Variants in ZDHHC19 observed in about 807,000 individuals in gnomAD.
The protein encoded by ZDHHC19 is palmitoyltransferase ZDHHC19.
A neutral mutation model predicts 33.9 loss-of-function variants in ZDHHC19; 30 were observed. The ratio of observed to expected loss-of-function variants is 0.88; its 90% confidence interval spans 0.66 to 1.20. The LOEUF is 1.20. Ranked by LOEUF, ZDHHC19 falls within the 50% of genes most tolerant of loss-of-function variation. The pLI is 0.00. For synonymous variants in ZDHHC19, 178 were observed against 167.6 expected (o/e 1.06, Z -0.48); for missense variants, 364 against 401.1 (o/e 0.91, Z 0.79).
intron 2 of ZDHHC19, among the ~76,000 whole-genome samples, 184 bp downstream of exon 2, chr3:196,210,430 GAA>G (rs1227744943): frequency 8.3e-6 from 1 of 119,938 alleles, no homozygotes; most frequent in East Asian, 2.2e-4. Context: ...AGGAAAGAAA[GAA>G]AGAGAAAGAA....
rs200940311 is a variant in ZDHHC19, at chr3:196,198,267, G to A, written c.*19+9C>T. 2,685 of 1,484,586 alleles carry A rather than the reference G, an allele frequency of 1.8e-3. 13 individuals carry two copies. The highest frequency in any genetic ancestry group is 0.011 in the Middle Eastern group (46 of 4,022). The allele number at this position is 1,484,586 out of a possible 1,614,324, so 92.0% of individuals were successfully genotyped here. On this transcript the variant is annotated intron_variant, in intron 7 of 7. Transcript: ENST00000296326. ...CGCACAGACACCCACGCACACACAC[G>A]CTTCTTACCTCCTGGAGAGCTGCAG...
chr3:196,198,308 G>C lies in ZDHHC19; in HGVS notation c.917C>G (p.Pro306Arg), dbSNP rs748602938. 11 of 1,502,900 alleles carry C rather than the reference G, an allele frequency of 7.3e-6. No individual in the cohort carries two copies. The Admixed American group carries it at 1.2e-4, about 16-fold the overall frequency. 93.1% of individuals were successfully genotyped at this position (1,502,900 alleles called of 1,614,324 possible). Reference sequence around the variant, plus strand: ...AGAGCTGCAGCCTCACCACGCCCCGGGGGTCCCTTCCCTGCTTTGTAGGGA... The same window carrying C: ...AGAGCTGCAGCCTCACCACGCCCCGCGGGTCCCTTCCCTGCTTTGTAGGGA... ...SGSLQSREGT[P>R]GAW The change falls in exon 7 of 8, where the codon CCC (proline) becomes CGC (arginine). Residue 306 changes from proline to arginine, a missense_variant. Pro to Arg is a moderately radical substitution (Grantham distance 103). Transcript: ENST00000296326.
At chr3:196,209,005 A>G (rs890601105) in intron 3 of ZDHHC19, 1 of 284,920 alleles carries the variant, frequency 3.5e-6, no homozygotes. Context: ...TCCAACTTGG[A>G]CACCCAGGCG....
intron 5 of ZDHHC19, among the ~76,000 whole-genome samples, chr3:196,201,590 A>G (rs1007137020): frequency 7.9e-5 from 12 of 151,802 alleles, no homozygotes; most frequent in Non-Finnish European, 1.8e-4. Flanking sequence ...GCATGGTGGC[A>G]TGTGCCTGTA....
At chr3:196,208,829 A>G (rs1722990722) in intron 3 of ZDHHC19, 1 of 477,132 alleles carries the variant, frequency 2.1e-6, no homozygotes, top group Non-Finnish European at 3.8e-6. Flanking sequence ...GACACATCCT[A>G]CTGTAACTCT....
chr3:196,208,354 G>A (rs1429301461), intron 4 of ZDHHC19, 34 bp downstream of exon 4: 4 of 1,337,792 alleles, frequency 3.0e-6, no homozygotes, highest in African/African-American at 1.5e-5. Flanking sequence ...GGCTGTCCCC[G>A]CCTCCTCTCC....
intron 2 of ZDHHC19, among the ~76,000 whole-genome samples, chr3:196,209,992 C>G (rs531523993): frequency 1.3e-3 from 204 of 152,246 alleles, no homozygotes; most frequent in African/African-American, 4.3e-3. Context: ...GAGTTCGAGA[C>G]CAGCCTGGCC....
At position 196,209,436 on chromosome 3, in the gene ZDHHC19, C is replaced by G. The variant is rs760334506; in HGVS notation, c.348G>C (p.Lys116Asn). 3 of 1,611,104 alleles carry G rather than the reference C, an allele frequency of 1.9e-6. No homozygotes were observed. The highest frequency in any genetic ancestry group is 1.7e-5 in the Admixed American group (1 of 59,510). Residue 116 changes from lysine (K) to asparagine (N), a missense_variant, in exon 3 of 8, where the codon AAG becomes AAC. Coordinates refer to ENST00000296326, the MANE Select transcript of ZDHHC19 (RefSeq NM_001039617.2). ...TCCGGGGCGGGCGGTGGAAGCAGCACTTTGGACACCATTGCAGGCGGAAGG... is the reference window on the plus strand; with the variant it reads ...TCCGGGGCGGGCGGTGGAAGCAGCAGTTTGGACACCATTGCAGGCGGAAGG... Reference protein sequence around the residue: ...HGAFRLQWCPKCCFHRPPRTY... With the variant: ...HGAFRLQWCPNCCFHRPPRTY...
rs769096499 is a variant in ZDHHC19, at chr3:196,209,083, G to C, written c.408+293C>G. The stretch of plus-strand genomic sequence containing the variant: ...AGGGGCTTGGGTATCTCGTGTTAGC[G>C]AGCCCAGGGGTGGGACAGAGGGCTG... On this transcript the variant is annotated intron_variant, in intron 3 of 7. Transcript: ENST00000296326. 8.2e-5 allele frequency: 31 copies of C among 379,832 alleles called. 1 individual carries two copies. Among genetic ancestry groups the C allele is most frequent in the African/African-American group, 2.9e-4 (14 of 48,538 alleles). The allele number at this position is 379,832 out of a possible 1,614,324, so 23.5% of individuals were successfully genotyped here. A position where few individuals can be genotyped will look rare whatever the true frequency, so the allele number is the denominator to read the frequency against.
At chr3:196,209,565 G>A (rs781716121) in intron 2 of ZDHHC19, 50 bp from the exon 3 acceptor site, 10 of 1,589,066 alleles carry the variant, frequency 6.3e-6, no homozygotes, top group South Asian at 2.3e-5. Context: ...CGGTCACCCC[G>A]CGGCGGGGGC....
chr3:196,210,945 T>C (rs1274591417), intron 1 of ZDHHC19, among the ~76,000 whole-genome samples: 1 of 151,812 alleles, frequency 6.6e-6, no homozygotes, highest in East Asian at 1.9e-4. Context: ...CAGGCACCCT[T>C]GACCTCTGCG....
rs759144155 is a variant in ZDHHC19, at chr3:196,211,166, T to G, written c.146+4A>C. On this transcript the variant is annotated splice_donor_region_variant and intron_variant, in intron 1 of 7. Transcript: ENST00000296326. ...AAACCTAACGGCTTGCCTGGAAAAC[T>G]CACGGGAATGCGAAGAAGAGGCCAC... is the stretch of plus-strand genomic sequence containing the variant. 1.5e-5 allele frequency: 25 copies of G among 1,613,948 alleles called. No individual in the cohort carries two copies. In the South Asian group the frequency reaches 2.7e-4, roughly 18 times the overall value.
At chr3:196,208,193 C>T (rs1481476309) in intron 4 of ZDHHC19, among the ~76,000 whole-genome samples, 195 bp downstream of exon 4, 1 of 152,082 alleles carries the variant, frequency 6.6e-6, no homozygotes, top group Admixed American at 6.5e-5. Context: ...GCCACCGCGC[C>T]GGCCCGGGGG....
chr3:196,207,527 T>G (rs1446374511), intron 4 of ZDHHC19, 24 bp from the exon 5 acceptor site: 7 of 1,523,672 alleles, frequency 4.6e-6, no homozygotes, highest in East Asian at 5.2e-5. Context: ...GGAACCGGGC[T>G]GCGGGACCCC....
At chr3:196,200,747 C>T (rs1356485230) in intron 5 of ZDHHC19, among the ~76,000 whole-genome samples, 1 of 149,830 alleles carries the variant, frequency 6.7e-6, no homozygotes, top group African/African-American at 2.5e-5. Context: ...CTCCTGGGCT[C>T]AAGGGATCCT....
chr3:196,201,230 G>T lies in ZDHHC19; in HGVS notation c.688-2356C>A, dbSNP rs762799167. ...TGGGATTACAGGCACCCACCATCACGCCCAGCTAATTTTTGTATTTTTAGT... is the reference window on the plus strand; with the variant it reads ...TGGGATTACAGGCACCCACCATCACTCCCAGCTAATTTTTGTATTTTTAGT... On this transcript the variant is annotated intron_variant, in intron 5 of 7. Coordinates refer to ENST00000296326, the MANE Select transcript of ZDHHC19 (RefSeq NM_001039617.2). Among the ~76,000 whole-genome samples the T allele has an allele frequency of 8.5e-4, 129 of 151,318 alleles. 2 individuals are homozygous for T. The highest frequency in any genetic ancestry group is 3.0e-3 in the African/African-American group (124 of 40,992).
intron 5 of ZDHHC19, among the ~76,000 whole-genome samples, chr3:196,201,923 T>C (rs1722383952): frequency 6.6e-6 from 1 of 152,078 alleles, no homozygotes; most frequent in African/African-American, 2.4e-5. Flanking sequence ...GATCAGGGCA[T>C]CTGGCTTCTC....
chr3:196,210,159 C>T (rs2108742198), intron 2 of ZDHHC19, among the ~76,000 whole-genome samples: 1 of 151,096 alleles, frequency 6.6e-6, no homozygotes, highest in East Asian at 2.0e-4. Context: ...CCACTGCACT[C>T]CCGCCTGGGC....
At chr3:196,209,024 C>G in intron 3 of ZDHHC19, 1 of 310,492 alleles carries the variant, frequency 3.2e-6, no homozygotes, top group Non-Finnish European at 6.0e-6. Flanking sequence ...CGAGGACAGG[C>G]AAGGCCTCCC....
Sources: allele counts gnomAD v4.1 joint callset (sites outside exome capture counted in the v4.1 genomes callset), GRCh38; gene constraint gnomAD v4.1.1; transcripts MANE v1.5; gene names NCBI Gene and HGNC (gene_info 2026-07-23, HGNC 2026-07-21).